Variants in ANGPT1 observed in about 807,000 individuals in gnomAD.
ANGPT1 encodes the protein angiopoietin-1.
A neutral mutation model predicts 62.2 loss-of-function variants in ANGPT1; 17 were observed. The observed-to-expected ratio is 0.27, with a 90% CI of 0.19 to 0.41. The LOEUF (loss-of-function observed/expected upper bound fraction) is 0.41, where lower values mean the gene tolerates loss of function less well. Among genes scored for constraint, ANGPT1 ranks in the 10% least tolerant of loss-of-function variants. ANGPT1 has a pLI of 1.00. For missense variants in ANGPT1, 478 were observed against 594.9 expected (o/e 0.80, Z 2.04); for synonymous variants, 199 against 198.9 (o/e 1.00, Z 0.00).
In ANGPT1 at chr8:107,277,355, GTTTTC is replaced by G. The variant is rs1813891050; in HGVS notation, c.1205+7322_1205+7326del. On this transcript the variant is annotated intron_variant, in intron 7 of 8. Transcript: ENST00000517746. ...ATTAAGGCAGAAAAATTTTTATATA[GTTTTC>G]TTTTAACATTTAAAAATAGTACAGT... Among the ~76,000 whole-genome samples, 6 of 152,114 alleles carry G rather than the reference GTTTTC, an allele frequency of 3.9e-5. No homozygotes were observed. The South Asian group carries it at 1.2e-3, about 32-fold the overall frequency.
At chr8:107,324,499 T>C (rs985734879) in intron 3 of ANGPT1, among the ~76,000 whole-genome samples, 6 of 152,138 alleles carry the variant, frequency 3.9e-5, no homozygotes, top group African/African-American at 9.7e-5. Context: ...GAGTCTTCCC[T>C]AGGGCCTTCG....
intron 8 of ANGPT1, among the ~76,000 whole-genome samples, chr8:107,261,734 T>C (rs76704951): frequency 6.6e-6 from 1 of 150,726 alleles, no homozygotes; most frequent in East Asian, 2.0e-4. Flanking sequence ...AGAAAGAATA[T>C]GATAGAATAT....
chr8:107,350,441 G>A (rs1220103567), intron 1 of ANGPT1, among the ~76,000 whole-genome samples: 1 of 152,046 alleles, frequency 6.6e-6, no homozygotes, highest in Non-Finnish European at 1.5e-5. Flanking sequence ...TTCACAGGGA[G>A]GACACCCTCA....
chr8:107,279,416 C>T (rs1164902023), intron 7 of ANGPT1, among the ~76,000 whole-genome samples: 1 of 152,124 alleles, frequency 6.6e-6, no homozygotes, highest in Non-Finnish European at 1.5e-5. Flanking sequence ...TAAACATATA[C>T]TATATCTTAG....
At chr8:107,461,818 G>T (rs1812079472) in intron 1 of ANGPT1, among the ~76,000 whole-genome samples, 1 of 151,936 alleles carries the variant, frequency 6.6e-6, no homozygotes, top group African/African-American at 2.4e-5. Flanking sequence ...GATGGTATGG[G>T]GCGATCTCTC....
At chr8:107,383,492 A>G (rs936375006) in intron 1 of ANGPT1, among the ~76,000 whole-genome samples, 2 of 152,138 alleles carry the variant, frequency 1.3e-5, no homozygotes, top group African/African-American at 4.8e-5. Flanking sequence ...CAGCAGTAAC[A>G]TTTGTGGCAG....
At chr8:107,350,774 T>G (rs139631636) in intron 1 of ANGPT1, among the ~76,000 whole-genome samples, 225 of 152,168 alleles carry the variant, frequency 1.5e-3, no homozygotes, top group African/African-American at 5.0e-3. Context: ...AATGCCACAC[T>G]TAAGTAGCAA....
chr8:107,476,352 G>T (rs542897806), intron 1 of ANGPT1, among the ~76,000 whole-genome samples: 1 of 152,004 alleles, frequency 6.6e-6, no homozygotes, highest in Non-Finnish European at 1.5e-5. Flanking sequence ...ACCAAACACC[G>T]CATATTCTCA....
chr8:107,331,711 C>A (rs1243375765), intron 3 of ANGPT1, among the ~76,000 whole-genome samples: 1 of 152,096 alleles, frequency 6.6e-6, no homozygotes. Flanking sequence ...GCACCTGGCA[C>A]AGATGTTTAC....
intron 1 of ANGPT1, among the ~76,000 whole-genome samples, chr8:107,432,677 A>G (rs2130409260): frequency 6.6e-6 from 1 of 152,248 alleles, no homozygotes; most frequent in South Asian, 2.1e-4. Context: ...AAAAAAAAAA[A>G]AAAGTCCTCA....
intron 1 of ANGPT1, among the ~76,000 whole-genome samples, chr8:107,391,132 C>G (rs1404260326): frequency 6.6e-6 from 1 of 152,112 alleles, no homozygotes; most frequent in East Asian, 1.9e-4. Flanking sequence ...CTTACTTTAA[C>G]TCACAAATGT....
At chr8:107,432,893 T>C (rs561833348) in intron 1 of ANGPT1, among the ~76,000 whole-genome samples, 53 of 152,272 alleles carry the variant, frequency 3.5e-4, no homozygotes, top group African/African-American at 1.2e-3. Context: ...AATCTTCTGG[T>C]TTAATCGTTC....
At chr8:107,439,026 A>G (rs758316781) in intron 1 of ANGPT1, among the ~76,000 whole-genome samples, 15 of 152,222 alleles carry the variant, frequency 9.9e-5, no homozygotes, top group Non-Finnish European at 2.1e-4. Flanking sequence ...AATATGGACT[A>G]CTGCTTATGA....
intron 1 of ANGPT1, among the ~76,000 whole-genome samples, chr8:107,353,929 ATGTT>A (rs1436776512): frequency 6.6e-6 from 1 of 152,050 alleles, no homozygotes; most frequent in Non-Finnish European, 1.5e-5. Context: ...ATGTGAGTGG[ATGTT>A]TGTTACTCAG....
intron 1 of ANGPT1, among the ~76,000 whole-genome samples, chr8:107,430,140 C>G (rs568208673): frequency 2.0e-5 from 3 of 152,070 alleles, no homozygotes; most frequent in African/African-American, 7.2e-5. Context: ...AATTAGTATA[C>G]AGAAAAAAAG....
At chr8:107,296,288 C>T (rs774859331) in intron 5 of ANGPT1, among the ~76,000 whole-genome samples, 6 of 151,976 alleles carry the variant, frequency 3.9e-5, no homozygotes, top group African/African-American at 7.2e-5. Flanking sequence ...CAATTGACTG[C>T]TGTCCCCAGT....
At chr8:107,389,887 A>G (rs1243278390) in intron 1 of ANGPT1, among the ~76,000 whole-genome samples, 1 of 151,902 alleles carries the variant, frequency 6.6e-6, no homozygotes, top group Non-Finnish European at 1.5e-5. Context: ...CCCTCTGTAC[A>G]TTCTTCATTC....
rs192965550 is a variant in ANGPT1, at chr8:107,484,494, C to T, written c.297+12768G>A. ...CCAGCTCACTGCAGCCTCGACCTCC[C>T]GGGCTCAAATGATCCTCCTACCTCA... is the stretch of plus-strand genomic sequence containing the variant. On this transcript the variant is annotated intron_variant, in intron 1 of 8. Coordinates refer to ENST00000517746, the MANE Select transcript of ANGPT1 (RefSeq NM_001146.5). 1.6e-4 allele frequency among the ~76,000 whole-genome samples: 24 copies of T among 152,194 alleles called. 1 individual carries two copies. The highest frequency in any genetic ancestry group is 3.9e-4 in the Admixed American group (6 of 15,286).
intron 1 of ANGPT1, among the ~76,000 whole-genome samples, chr8:107,444,980 G>C (rs531721370): frequency 6.6e-6 from 1 of 152,268 alleles, no homozygotes; most frequent in African/African-American, 2.4e-5. Context: ...CTTCTTCCCT[G>C]CAGGGGTATT....
Sources: gnomAD v4.1 joint callset for allele counts (sites outside exome capture counted in the v4.1 genomes callset) on GRCh38, gnomAD v4.1.1 for gene constraint, MANE v1.5 for transcripts, NCBI Gene and HGNC (gene_info 2026-07-23, HGNC 2026-07-21) for gene names.